The following DSCAM variants were observed in gnomAD, a reference collection of about 807,000 sequenced individuals.
The protein encoded by DSCAM is DS cell adhesion molecule.
Under a neutral mutation model 217.7 loss-of-function variants are expected in DSCAM, and 47 were observed. The ratio of observed to expected loss-of-function variants is 0.22; its 90% confidence interval spans 0.17 to 0.28. DSCAM has a LOEUF of 0.28. DSCAM is among the 10% of genes least tolerant of loss of function. The pLI, the probability that DSCAM is intolerant of heterozygous loss-of-function variation, is 1.00. For synonymous variants in DSCAM, 1,056 were observed against 1,015.3 expected (o/e 1.04, Z -0.76); for missense variants, 2,080 against 2,618.3 (o/e 0.79, Z 4.49).
At position 40,268,711 on chromosome 21, in the gene DSCAM, G is replaced by A. The variant is rs368514149; in HGVS notation, c.2356+7386C>T. On this transcript the variant is annotated intron_variant, in intron 11 of 32. Transcript: ENST00000400454. ...TGCCTGTAATTCCAGCACTTTGGGA[G>A]GCCAAGGCAGGCAGATCAACTGAGG... Among the ~76,000 whole-genome samples the A allele has an allele frequency of 7.4e-4, 112 of 152,184 alleles. 1 individual carries two copies. In the South Asian group the frequency reaches 0.023, roughly 31 times the overall value.
chr21:40,120,161 T>C (rs1315777271), intron 20 of DSCAM, among the ~76,000 whole-genome samples: 2 of 152,158 alleles, frequency 1.3e-5, no homozygotes, highest in South Asian at 2.1e-4. Flanking sequence ...TAGTGGTGTA[T>C]TCTCACTGAT....
chr21:40,400,065 A>G (rs1300638590), intron 3 of DSCAM, among the ~76,000 whole-genome samples: 1 of 152,188 alleles, frequency 6.6e-6, no homozygotes, highest in Non-Finnish European at 1.5e-5. Context: ...CATGGTCAGC[A>G]TTCCCCAGAC....
chr21:40,040,135 G>A (rs920615086), intron 32 of DSCAM, among the ~76,000 whole-genome samples: 2 of 152,180 alleles, frequency 1.3e-5, no homozygotes, highest in Non-Finnish European at 2.9e-5. Context: ...AAGCATATCA[G>A]ATGTTCAGTA....
chr21:40,695,096 C>T (rs1048868856), intron 2 of DSCAM, among the ~76,000 whole-genome samples: 1 of 152,118 alleles, frequency 6.6e-6, no homozygotes, highest in Non-Finnish European at 1.5e-5. Flanking sequence ...ACTCTGTCTC[C>T]CCAAACCTTC....
At chr21:40,422,439 G>T (rs1011859408) in intron 3 of DSCAM, among the ~76,000 whole-genome samples, 1 of 151,476 alleles carries the variant, frequency 6.6e-6, no homozygotes, top group Non-Finnish European at 1.5e-5. Context: ...AGACCAAATT[G>T]GCCAACATAG....
At chr21:40,350,647 G>T (rs1055148078) in intron 5 of DSCAM, among the ~76,000 whole-genome samples, 1 of 152,014 alleles carries the variant, frequency 6.6e-6, no homozygotes, top group Non-Finnish European at 1.5e-5. Flanking sequence ...GAGGAGGGTG[G>T]ATGGGAAGAG....
At chr21:40,786,064 C>T (rs1265579987) in intron 1 of DSCAM, among the ~76,000 whole-genome samples, 9 of 152,112 alleles carry the variant, frequency 5.9e-5, no homozygotes, top group Non-Finnish European at 1.2e-4. Context: ...TGGAGAAACC[C>T]TGTCTCTACC....
At chr21:40,804,496 C>A (rs988920368) in intron 1 of DSCAM, among the ~76,000 whole-genome samples, 1 of 152,092 alleles carries the variant, frequency 6.6e-6, no homozygotes, top group East Asian at 1.9e-4. Context: ...TCCTACCACC[C>A]TCTGCCTGCT....
In DSCAM at chr21:40,191,971, C is replaced by T. The variant is rs113361865; in HGVS notation, c.2357-2733G>A. Among the ~76,000 whole-genome samples the T allele has an allele frequency of 2.0e-3, 305 of 152,252 alleles. 1 individual carries two copies. Among genetic ancestry groups the T allele is most frequent in the African/African-American group, 7.3e-3 (301 of 41,512 alleles). ...TTAACGAATTATATTTGCAAAGACTCTATTTCCATATAAGGTCATATTCCA... is the reference window on the plus strand; with the variant it reads ...TTAACGAATTATATTTGCAAAGACTTTATTTCCATATAAGGTCATATTCCA... On this transcript the variant is annotated intron_variant, in intron 11 of 32. Coordinates refer to ENST00000400454, the MANE Select transcript of DSCAM (RefSeq NM_001389.5).
At chr21:40,373,406 G>A (rs1233719893) in intron 3 of DSCAM, among the ~76,000 whole-genome samples, 2 of 152,088 alleles carry the variant, frequency 1.3e-5, no homozygotes, top group Non-Finnish European at 2.9e-5. Flanking sequence ...CCTATCTCTA[G>A]GGAGCTTATA....
chr21:40,077,719 G>A (rs980027813), intron 26 of DSCAM, among the ~76,000 whole-genome samples: 5 of 152,166 alleles, frequency 3.3e-5, no homozygotes, highest in East Asian at 1.9e-4. Context: ...CACTTCCAAC[G>A]TGGTCTTGGC....
intron 14 of DSCAM, among the ~76,000 whole-genome samples, chr21:40,179,586 C>T (rs1464683094): frequency 2.6e-5 from 4 of 152,166 alleles, no homozygotes; most frequent in Non-Finnish European, 5.9e-5. Flanking sequence ...CTTTCCTCCC[C>T]AAATAGAGTG....
chr21:40,351,305 A>T (rs1181170302), intron 5 of DSCAM, among the ~76,000 whole-genome samples: 1 of 152,144 alleles, frequency 6.6e-6, no homozygotes, highest in African/African-American at 2.4e-5. Flanking sequence ...TTTGCATCTG[A>T]GGGATGAGAA....
chr21:40,620,026 AAGAG>A lies in DSCAM; in HGVS notation c.508+72780_508+72783del, dbSNP rs1278050245. Among the ~76,000 whole-genome samples the A allele has an allele frequency of 1.8e-3, 196 of 108,184 alleles. 5 individuals are homozygous for A. Among genetic ancestry groups the A allele is most frequent in the African/African-American group, 6.1e-3 (142 of 23,152 alleles). 71.0% of individuals were successfully genotyped at this position (108,184 alleles called of 152,430 possible). On this transcript the variant is annotated intron_variant, in intron 3 of 32. Coordinates refer to ENST00000400454, the MANE Select transcript of DSCAM (RefSeq NM_001389.5). ...GAGAGAGAAAAAAGAAAAAGAAAGA[AAGAG>A]AGAGAGAAAGAGAGAGAAAAAAGAA...
At chr21:40,686,241 C>A (rs1387690764) in intron 3 of DSCAM, among the ~76,000 whole-genome samples, 2 of 148,990 alleles carry the variant, frequency 1.3e-5, no homozygotes, top group African/African-American at 5.0e-5. Flanking sequence ...AGCTCACACA[C>A]CACACACAGC....
chr21:40,670,706 T>C (rs771502432), intron 3 of DSCAM, among the ~76,000 whole-genome samples: 16 of 152,356 alleles, frequency 1.1e-4, no homozygotes, highest in Non-Finnish European at 2.2e-4. Flanking sequence ...GGGAATGTTA[T>C]GTACCACATT....
chr21:40,808,486 T>G (rs546172539), intron 1 of DSCAM, among the ~76,000 whole-genome samples: 224 of 151,494 alleles, frequency 1.5e-3, no homozygotes, highest in Non-Finnish European at 2.1e-3. Context: ...TTTTTTTTTT[T>G]TTTTTGAGAC....
At chr21:40,786,052 C>T (rs1601257567) in intron 1 of DSCAM, among the ~76,000 whole-genome samples, 1 of 152,272 alleles carries the variant, frequency 6.6e-6, no homozygotes, top group East Asian at 1.9e-4. Flanking sequence ...GCCTGACCAA[C>T]ATGGAGAAAC....
intron 11 of DSCAM, among the ~76,000 whole-genome samples, chr21:40,224,307 A>G (rs895699149): frequency 1.3e-5 from 2 of 152,228 alleles, no homozygotes; most frequent in Non-Finnish European, 2.9e-5. Context: ...TGATAAATGG[A>G]TATCATATTT....
Sources: gnomAD v4.1 joint callset for allele counts (sites outside exome capture counted in the v4.1 genomes callset) on GRCh38, gnomAD v4.1.1 for gene constraint, MANE v1.5 for transcripts, NCBI Gene and HGNC (gene_info 2026-07-23, HGNC 2026-07-21) for gene names.